Variants in RNLS observed in about 807,000 individuals in gnomAD.
RNLS encodes the protein renalase.
Under a neutral mutation model 39.8 loss-of-function variants are expected in RNLS, and 39 were observed. That is an observed-to-expected ratio of 0.98 (90% CI 0.76 to 1.28). RNLS has a LOEUF of 1.28. RNLS is among the 50% of genes most tolerant of loss of function. The pLI is 0.00. For missense variants in RNLS, 410 were observed against 413.3 expected, an observed-to-expected ratio of 0.99 and a Z score of 0.07; for synonymous variants, 147 against 150.7, an observed-to-expected ratio of 0.98 and a Z score of 0.18.
chr10:88,514,217 T>C (rs1207141899), intron 4 of RNLS, among the ~76,000 whole-genome samples: 5 of 151,516 alleles, frequency 3.3e-5, no homozygotes, highest in African/African-American at 1.2e-4. Flanking sequence ...AGCAAGTATG[T>C]CTTACATGGC....
At chr10:88,201,210 G>C in the RNLS span, among the ~76,000 whole-genome samples, 1 of 152,112 alleles carries the variant, frequency 6.6e-6, no homozygotes, top group Non-Finnish European at 1.5e-5. Context: ...TATGTTCGAA[G>C]ATAATTTCTC....
At chr10:88,232,772 A>C in the RNLS span, among the ~76,000 whole-genome samples, 2 of 152,232 alleles carry the variant, frequency 1.3e-5, no homozygotes, top group African/African-American at 4.8e-5. Flanking sequence ...TTTCCTGTCT[A>C]CAAGTGCTTG....
intron 4 of RNLS, among the ~76,000 whole-genome samples, chr10:88,425,221 C>T (rs1462032677): frequency 2.0e-5 from 3 of 152,048 alleles, no homozygotes; most frequent in Admixed American, 6.6e-5. Flanking sequence ...TTAGTTGTCT[C>T]GTTTTGTTTT....
chr10:88,361,099 A>G (rs2133361630), intron 5 of RNLS, among the ~76,000 whole-genome samples: 1 of 152,274 alleles, frequency 6.6e-6, no homozygotes, highest in South Asian at 2.1e-4. Flanking sequence ...CCTTCTTACT[A>G]TGTCCTCACA....
chr10:88,388,980 C>T (rs1852033632), intron 4 of RNLS, among the ~76,000 whole-genome samples: 1 of 152,170 alleles, frequency 6.6e-6, no homozygotes, highest in Admixed American at 6.5e-5. Flanking sequence ...CACTGTGTTT[C>T]CTGTTTGTAA....
At chr10:88,339,153 CGG>C (rs1225326663) in intron 5 of RNLS, among the ~76,000 whole-genome samples, 1 of 152,102 alleles carries the variant, frequency 6.6e-6, no homozygotes, top group Non-Finnish European at 1.5e-5. Context: ...GGTAGAGACA[CGG>C]ACTGAGGATT....
intron 6 of RNLS, chr10:88,309,323 G>T: frequency 9.6e-7 from 1 of 1,046,986 alleles, no homozygotes; most frequent in Non-Finnish European, 1.3e-6. Context: ...GAAAAAGCAA[G>T]AAAAAATTAA....
At chr10:88,413,865 C>T (rs1449444413) in intron 4 of RNLS, among the ~76,000 whole-genome samples, 1 of 152,108 alleles carries the variant, frequency 6.6e-6, no homozygotes, top group Non-Finnish European at 1.5e-5. Context: ...TCCTACTCAT[C>T]ATTTGAGTAT....
intron 4 of RNLS, among the ~76,000 whole-genome samples, chr10:88,482,075 G>A (rs1844214945): frequency 6.6e-6 from 1 of 151,938 alleles, no homozygotes; most frequent in African/African-American, 2.4e-5. Context: ...CTGCTTTCAA[G>A]ATTTTCTCAT....
At chr10:88,448,478 A>T (rs1002715753) in intron 4 of RNLS, among the ~76,000 whole-genome samples, 1 of 152,186 alleles carries the variant, frequency 6.6e-6, no homozygotes, top group Non-Finnish European at 1.5e-5. Context: ...TAGAATGGCG[A>T]TCATTAAAAA....
intron 5 of RNLS, chr10:88,343,542 G>A (rs1848110646): frequency 2.0e-6 from 2 of 984,468 alleles, no homozygotes; most frequent in Non-Finnish European, 2.4e-6. Flanking sequence ...CAAAAAAGGA[G>A]TAAAACAACT....
chr10:88,425,467 T>C (rs1446152984), intron 4 of RNLS, among the ~76,000 whole-genome samples: 3 of 152,126 alleles, frequency 2.0e-5, no homozygotes, highest in Admixed American at 2.0e-4. Context: ...TTCTGTACAA[T>C]GAATCTTCCT....
At chr10:88,512,528 G>A (rs1422916186) in intron 4 of RNLS, among the ~76,000 whole-genome samples, 9 of 152,038 alleles carry the variant, frequency 5.9e-5, no homozygotes, top group Non-Finnish European at 1.3e-4. Flanking sequence ...TTTTATGCCT[G>A]CCTATCCTTC....
intron 4 of RNLS, among the ~76,000 whole-genome samples, chr10:88,462,708 G>A (rs1415349179): frequency 1.3e-5 from 2 of 151,958 alleles, no homozygotes; most frequent in Non-Finnish European, 2.9e-5. Context: ...ACCTGCCTGT[G>A]GGGAATTAGA....
intron 4 of RNLS, among the ~76,000 whole-genome samples, chr10:88,513,751 A>G (rs1219822880): frequency 1.3e-5 from 2 of 152,100 alleles, no homozygotes; most frequent in African/African-American, 4.8e-5. Context: ...TGCATTTATA[A>G]TTTTCAGAGA....
intron 3 of RNLS, among the ~76,000 whole-genome samples, chr10:88,573,764 T>C (rs1849992045): frequency 6.6e-6 from 1 of 152,226 alleles, no homozygotes. Context: ...GCCCATGAGC[T>C]ACAAATTATA....
chr10:88,347,881 CA>C (rs1564715620), intron 5 of RNLS, among the ~76,000 whole-genome samples: 2 of 152,230 alleles, frequency 1.3e-5, no homozygotes, highest in East Asian at 3.9e-4. Context: ...CTCCCATTTT[CA>C]AACTAGCATC....
chr10:88,583,298 C>G lies in RNLS; in HGVS notation c.-108G>C, dbSNP rs1850771954. On this transcript the variant is annotated 5_prime_UTR_variant, in exon 1 of 7. Transcript: ENST00000331772. ...CGCTAGCGCTCTTTGGTTCCGTGCT[C>G]CCTGGGCCGACCTGGGCCCTGAGCT... The G allele has an allele frequency of 2.7e-6, 4 of 1,508,668 alleles. No homozygotes were observed. The highest frequency in any genetic ancestry group is 3.5e-6 in the Non-Finnish European group (4 of 1,136,270). 93.5% of individuals were successfully genotyped at this position (1,508,668 alleles called of 1,614,324 possible).
At chr10:88,274,897 GA>G in exon 7 of RNLS, 1 of 1,191,718 alleles carries the variant, frequency 8.4e-7, no homozygotes, top group Non-Finnish European at 1.3e-6. Context: ...TAAAGGCTGT[GA>G]AGTGGTATCC....
Sources: gnomAD v4.1 joint callset for allele counts (sites outside exome capture counted in the v4.1 genomes callset) on GRCh38, gnomAD v4.1.1 for gene constraint, MANE v1.5 for transcripts, NCBI Gene and HGNC (gene_info 2026-07-23, HGNC 2026-07-21) for gene names.